LONRF1: variants seen among roughly 807,000 people sequenced by gnomAD.
LONRF1 encodes LON peptidase N-terminal domain and RING finger protein 1.
Under a neutral mutation model 85.8 loss-of-function variants are expected in LONRF1, and 37 were observed. The observed-to-expected ratio is 0.43, with a 90% CI of 0.33 to 0.57. The LOEUF (loss-of-function observed/expected upper bound fraction) is 0.57, where lower values mean the gene tolerates loss of function less well. Ranked by LOEUF, LONRF1 falls within the 20% of genes least tolerant of loss-of-function variation. LONRF1 has a pLI of 0.04. For missense variants in LONRF1, 1,036 were observed against 978.0 expected, an observed-to-expected ratio of 1.06 and a Z score of -0.79; for synonymous variants, 517 against 390.1, an observed-to-expected ratio of 1.33 and a Z score of -3.83.
chr8:12,727,491 G>T (rs1465724982), intron 10 of LONRF1, among the ~76,000 whole-genome samples: 1 of 151,504 alleles, frequency 6.6e-6, no homozygotes, highest in Admixed American at 6.6e-5. Flanking sequence ...GATGAGAAAA[G>T]ATTACTAGAC....
chr8:12,729,170 A>T lies in LONRF1; in HGVS notation c.1847+4T>A. On this transcript the variant is annotated splice_donor_region_variant and intron_variant, in intron 9 of 11. Coordinates refer to ENST00000398246, the MANE Select transcript of LONRF1 (RefSeq NM_152271.5). ...ACAAATATTTAGGTTCACAAAAAGC[A>T]TACCTATTTTGTGTATCACTGACAC... The T allele has an allele frequency of 1.2e-6, 2 of 1,613,736 alleles. No individual in the cohort carries two copies. The highest frequency in any genetic ancestry group is 1.7e-6 in the Non-Finnish European group (2 of 1,179,728).
chr8:12,752,561 T>G (rs1490581242), intron 1 of LONRF1, among the ~76,000 whole-genome samples: 1 of 152,166 alleles, frequency 6.6e-6, no homozygotes, highest in Non-Finnish European at 1.5e-5. Context: ...CCTGCAAAAG[T>G]AGAATGAAGT....
chr8:12,740,330 G>C (rs1798882281), intron 3 of LONRF1, among the ~76,000 whole-genome samples: 1 of 152,122 alleles, frequency 6.6e-6, no homozygotes, highest in Admixed American at 6.5e-5. Context: ...TAATTAACTT[G>C]GCTTAACCCA....
intron 1 of LONRF1, chr8:12,753,839 G>C (rs1185945435): frequency 1.3e-5 from 2 of 152,216 alleles, no homozygotes; most frequent in African/African-American, 4.8e-5. Flanking sequence ...TTTCCCCACA[G>C]CCTGATCCTA....
chr8:12,723,534 C>A (rs1310256424), intron 11 of LONRF1, among the ~76,000 whole-genome samples: 1 of 152,238 alleles, frequency 6.6e-6, no homozygotes. Flanking sequence ...TCCTATTACA[C>A]TAGCAAGGCT....
chr8:12,740,762 G>A, intron 3 of LONRF1, 112 bp downstream of exon 3: 1 of 1,322,818 alleles, frequency 7.6e-7, no homozygotes, highest in South Asian at 1.5e-5. Context: ...TTGTTCCTAA[G>A]TTAGATTTAT....
At chr8:12,736,613 T>C (rs1403225646) in intron 6 of LONRF1, 88 bp downstream of exon 6, 5 of 891,354 alleles carry the variant, frequency 5.6e-6, no homozygotes, top group Non-Finnish European at 8.4e-6. Flanking sequence ...TGTGTTACTT[T>C]ACATTGTCTA....
At chr8:12,743,501 T>G (rs1340335519) in intron 1 of LONRF1, among the ~76,000 whole-genome samples, 2 of 152,166 alleles carry the variant, frequency 1.3e-5, no homozygotes, top group Non-Finnish European at 2.9e-5. Flanking sequence ...ATCATTTTAG[T>G]GGAGGAAACT....
At chr8:12,754,185 T>A (rs1456190242) in intron 1 of LONRF1, 1 of 152,132 alleles carries the variant, frequency 6.6e-6, no homozygotes, top group Admixed American at 6.5e-5. Context: ...TTCCCAATTG[T>A]CCCGGTGACT....
chr8:12,754,671 C>T (rs1799559234), intron 1 of LONRF1, 29 bp downstream of exon 1: 1 of 1,320,574 alleles, frequency 7.6e-7, no homozygotes, highest in South Asian at 2.1e-5. Flanking sequence ...TGCGGTCGGC[C>T]CGGCCCCGCC....
At chr8:12,744,852 C>CA (rs1418326189) in intron 1 of LONRF1, among the ~76,000 whole-genome samples, 1 of 146,706 alleles carries the variant, frequency 6.8e-6, no homozygotes, top group Non-Finnish European at 1.5e-5. Context: ...ACTACTGCAA[C>CA]AAGCAGCCCA....
intron 3 of LONRF1, among the ~76,000 whole-genome samples, 173 bp from the exon 4 acceptor site, chr8:12,738,317 G>C (rs1798800474): frequency 6.6e-6 from 1 of 152,000 alleles, no homozygotes; most frequent in Non-Finnish European, 1.5e-5. Context: ...TGCAAAATTA[G>C]GTGTGCCTCA....
Position 12,755,008 on chromosome 8 carries a change from C to T in LONRF1, c.413G>A (p.Cys138Tyr). 1 of 1,494,144 alleles carries T rather than the reference C, an allele frequency of 6.7e-7. No individual in the cohort carries two copies. Among genetic ancestry groups the T allele is most frequent in the Non-Finnish European group, 8.9e-7 (1 of 1,128,768 alleles). 92.6% of individuals were successfully genotyped at this position (1,494,144 alleles called of 1,614,324 possible). ...GFLSEPVTVP[C>Y]GHSYCRRCLR... ...GCAGCGGCGGCAGTAGCTGTGGCCA[C>T]AGGGCACGGTCACCGGCTCGCTCAG... Residue 138 changes from cysteine (C) to tyrosine (Y), a missense_variant, in exon 1 of 12, where the codon TGT becomes TAT. Physicochemically the swap from Cys to Tyr is radical, Grantham distance 194. Transcript: ENST00000398246.
At chr8:12,733,807 G>A (rs1339324617) in intron 7 of LONRF1, among the ~76,000 whole-genome samples, 1 of 152,022 alleles carries the variant, frequency 6.6e-6, no homozygotes, top group African/African-American at 2.4e-5. Context: ...ATGACAAGTA[G>A]GAAAAATGTA....
chr8:12,752,536 G>A (rs1799449749), intron 1 of LONRF1, among the ~76,000 whole-genome samples: 1 of 152,182 alleles, frequency 6.6e-6, no homozygotes, highest in Admixed American at 6.5e-5. Flanking sequence ...AAAGTCAGAA[G>A]ACTTGGGTTC....
chr8:12,729,109 C>G (rs757526882), intron 9 of LONRF1, 46 bp from the exon 10 acceptor site: 3 of 1,611,610 alleles, frequency 1.9e-6, no homozygotes, highest in South Asian at 2.2e-5. Flanking sequence ...CATAAACATG[C>G]AAGTTCTCAT....
At chr8:12,735,731 C>T (rs776392086) in intron 6 of LONRF1, 27 of 186,056 alleles carry the variant, frequency 1.5e-4, no homozygotes, top group Non-Finnish European at 2.3e-4. Context: ...AAAATACATA[C>T]CAGATTTCAA....
At chr8:12,743,614 T>A (rs1799026864) in intron 1 of LONRF1, among the ~76,000 whole-genome samples, 2 of 152,188 alleles carry the variant, frequency 1.3e-5, no homozygotes, top group South Asian at 4.1e-4. Flanking sequence ...AAGACATATT[T>A]CTTAGATGTT....
Position 12,743,145 on chromosome 8 carries a change from C to G in LONRF1, c.840+19G>C. 3 of 1,469,896 alleles carry G rather than the reference C, an allele frequency of 2.0e-6. No homozygotes were observed. The highest frequency in any genetic ancestry group is 2.9e-6 in the Non-Finnish European group (3 of 1,050,146). 91.1% of individuals were successfully genotyped at this position (1,469,896 alleles called of 1,614,324 possible). A position where few individuals can be genotyped will look rare whatever the true frequency, so the allele number is the denominator to read the frequency against. ...GTTAAAATTTTACAATTTATGCAAA[C>G]ATAAAACAGTAATTTTACCTCAGGC... is the stretch of plus-strand genomic sequence containing the variant. On this transcript the variant is annotated intron_variant, in intron 2 of 11. Coordinates refer to ENST00000398246, the MANE Select transcript of LONRF1 (RefSeq NM_152271.5).
Sources: gnomAD v4.1 joint callset for allele counts (sites outside exome capture counted in the v4.1 genomes callset) on GRCh38, gnomAD v4.1.1 for gene constraint, MANE v1.5 for transcripts, NCBI Gene and HGNC (gene_info 2026-07-23, HGNC 2026-07-21) for gene names.